Variants in QSER1 observed in about 807,000 individuals in gnomAD.
The protein encoded by QSER1 is glutamine and serine-rich protein 1.
In QSER1, 49 loss-of-function variants were observed where a neutral mutation model predicts 158.5. The observed-to-expected ratio is 0.31, with a 90% CI of 0.25 to 0.39. The LOEUF (loss-of-function observed/expected upper bound fraction) is 0.39. QSER1 is among the 10% of genes least tolerant of loss of function. The pLI is 1.00. For missense variants in QSER1, 1,754 were observed against 2,010.3 expected, an observed-to-expected ratio of 0.87 and a Z score of 2.44; for synonymous variants, 650 against 715.5, an observed-to-expected ratio of 0.91 and a Z score of 1.46.
At position 32,934,730 on chromosome 11, in the gene QSER1, G is replaced by A. The variant is rs764770861; in HGVS notation, c.3472G>A (p.Gly1158Ser). ...ATCAGAGAGTGAATTTACCTTAGGGGGTGACGACAGTGGTGTGTCAATGAA... is the reference window on the plus strand; with the variant it reads ...ATCAGAGAGTGAATTTACCTTAGGGAGTGACGACAGTGGTGTGTCAATGAA... ...ATSESEFTLG[G>S]DDSGVSMNPA... The change falls in exon 4 of 13, where the codon GGT (glycine) becomes AGT (serine). Residue 1158 changes from glycine to serine, a missense_variant. Physicochemically the swap from Gly to Ser is moderately conservative, Grantham distance 56 (BLOSUM62 0). Around this residue, in one of 2 missense-constraint regions of QSER1, gnomAD observed 1,707 missense variants for 1,919.6 expected, o/e 0.89. Transcript: ENST00000650167. The A allele has an allele frequency of 1.9e-6, 3 of 1,613,794 alleles. No individual in the cohort carries two copies. The highest frequency in any genetic ancestry group is 2.5e-6 in the Non-Finnish European group (3 of 1,179,886).
At chr11:32,938,208 A>C (rs1852180388) in intron 4 of QSER1, among the ~76,000 whole-genome samples, 2 of 152,194 alleles carry the variant, frequency 1.3e-5, no homozygotes, top group South Asian at 4.1e-4. Flanking sequence ...CAGTCAGTAT[A>C]TAGTAACCTC....
chr11:32,893,920 CAT>C lies in QSER1; in HGVS notation c.209+589_209+590del, dbSNP rs987733921. Among the ~76,000 whole-genome samples, 34 of 152,310 alleles carry C rather than the reference CAT, an allele frequency of 2.2e-4. No homozygotes were observed. The highest frequency in any genetic ancestry group is 7.5e-4 in the African/African-American group (31 of 41,570). ...CGAACGCGGCTCCAGGGCCGGGTGA[CAT>C]ATGTTTGCGCTGGTGGCCAAGATTT... On this transcript the variant is annotated intron_variant, in intron 1 of 12. Transcript: ENST00000650167. The surrounding 1 kb of genome is among the most constrained non-coding windows in gnomAD (Gnocchi z 4.7).
intron 1 of QSER1, among the ~76,000 whole-genome samples, chr11:32,914,179 T>G (rs547433308): frequency 6.6e-6 from 1 of 152,328 alleles, no homozygotes; most frequent in African/African-American, 2.4e-5. Flanking sequence ...TACTGTGTGC[T>G]AAATAAAGTA....
At chr11:32,916,669 G>A (rs1851834577) in intron 1 of QSER1, among the ~76,000 whole-genome samples, 1 of 152,126 alleles carries the variant, frequency 6.6e-6, no homozygotes, top group Non-Finnish European at 1.5e-5. Context: ...ACAATGGTAA[G>A]TATTGGTGTA....
intron 10 of QSER1, among the ~76,000 whole-genome samples, chr11:32,970,946 C>CTTTTTTTTTT (rs776051259): frequency 6.5e-5 from 5 of 76,898 alleles, no homozygotes; most frequent in Non-Finnish European, 8.9e-5. Context: ...AAGCAATTTG[C>CTTTTTTTTTT]TTTTTTTTTT....
chr11:32,893,895 C>T lies in QSER1; in HGVS notation c.209+561C>T, dbSNP rs574413237. Among the ~76,000 whole-genome samples the T allele has an allele frequency of 2.0e-5, 3 of 152,264 alleles. No individual in the cohort carries two copies. In the South Asian group the frequency reaches 6.2e-4, roughly 32 times the overall value. ...GCAGAAGAGGGGGCCCGGCAGGGCG[C>T]GAACGCGGCTCCAGGGCCGGGTGAC... On this transcript the variant is annotated intron_variant, in intron 1 of 12. Transcript: ENST00000650167. This position sits in a 1 kb window ranked among gnomAD's most constrained non-coding sequence, Gnocchi z 4.7.
At position 32,940,729 on chromosome 11, in the gene QSER1, ATAG is replaced by A. The variant is rs567576454; in HGVS notation, c.4177+5297_4177+5299del. On this transcript the variant is annotated intron_variant, in intron 4 of 12. Coordinates refer to ENST00000650167, the MANE Select transcript of QSER1 (RefSeq NM_001076786.3). ...TGTAAACTTTGTTGTAAAGTTGTCC[ATAG>A]TAATCCTTAAGTTTTAGTCTCTTCT... 1.5e-3 allele frequency among the ~76,000 whole-genome samples: 233 copies of A among 152,284 alleles called. 2 individuals are homozygous for A. The highest frequency in any genetic ancestry group is 2.4e-3 in the Non-Finnish European group (162 of 68,006).
At chr11:32,924,439 G>A (rs947741336) in intron 1 of QSER1, among the ~76,000 whole-genome samples, 4 of 151,434 alleles carry the variant, frequency 2.6e-5, no homozygotes, top group Non-Finnish European at 5.9e-5. Context: ...GCACGCCTAT[G>A]GTCCCAGCTA....
intron 1 of QSER1, among the ~76,000 whole-genome samples, chr11:32,916,372 C>A (rs1002012373): frequency 6.6e-6 from 1 of 152,142 alleles, no homozygotes; most frequent in Non-Finnish European, 1.5e-5. Context: ...GCAGTCTTTT[C>A]CTAGTTTCCC....
chr11:32,927,758 ATCT>A (rs1483300598), intron 2 of QSER1, among the ~76,000 whole-genome samples: 14 of 152,276 alleles, frequency 9.2e-5, no homozygotes, highest in Middle Eastern at 3.4e-3. Flanking sequence ...AAATTAAAAG[ATCT>A]TCTTTCATGC....
At chr11:32,908,740 A>G (rs1851724781) in intron 1 of QSER1, among the ~76,000 whole-genome samples, 1 of 152,186 alleles carries the variant, frequency 6.6e-6, no homozygotes, top group Non-Finnish European at 1.5e-5. Flanking sequence ...TGCATGTAAC[A>G]CTTTGTATGA....
chr11:32,927,968 C>G lies in QSER1; in HGVS notation c.329C>G (p.Ser110Cys), dbSNP rs962617269. 1 of 817,824 alleles carries G rather than the reference C, an allele frequency of 1.2e-6. No homozygotes were observed. Among genetic ancestry groups the G allele is most frequent in the Admixed American group, 2.7e-5 (1 of 37,338 alleles). 50.7% of individuals were successfully genotyped at this position (817,824 alleles called of 1,614,324 possible). A position where few individuals can be genotyped will look rare whatever the true frequency, so the allele number is the denominator to read the frequency against. The change falls in exon 3 of 13, where the codon TCT (serine) becomes TGT (cysteine). Residue 110 changes from serine (S) to cysteine (C), a missense_variant. Around this residue, in one of 2 missense-constraint regions of QSER1, gnomAD observed 1,707 missense variants for 1,919.6 expected, o/e 0.89. Coordinates refer to ENST00000650167, the MANE Select transcript of QSER1 (RefSeq NM_001076786.3). The stretch of plus-strand genomic sequence containing the variant: ...ATTTTATCTTCAAATTTAGGTCTTT[C>G]TGGAATATTTGATACTAGTGTGAAC... ...YAPTPQPTGL[S>C]GIFDTSVNSA...
In QSER1 at chr11:32,917,821, CAA is replaced by C. The variant is rs371007117; in HGVS notation, c.210-9314_210-9313del. On this transcript the variant is annotated intron_variant, in intron 1 of 12. Coordinates refer to ENST00000650167, the MANE Select transcript of QSER1 (RefSeq NM_001076786.3). Reference sequence around the variant, plus strand: ...TGGGTGACAATGTGAGACTCTGTCTCAAAAAAAAAAAAAAAAAAAAAAACCAG... The same window carrying C: ...TGGGTGACAATGTGAGACTCTGTCTCAAAAAAAAAAAAAAAAAAAAACCAG... Among the ~76,000 whole-genome samples the C allele has an allele frequency of 1.1e-4, 9 of 80,830 alleles. No homozygotes were observed. In the East Asian group the frequency reaches 1.8e-3, roughly 16 times the overall value. 53.0% of individuals were successfully genotyped at this position (80,830 alleles called of 152,430 possible).
intron 3 of QSER1, among the ~76,000 whole-genome samples, chr11:32,928,995 G>A (rs1389466429): frequency 6.6e-6 from 1 of 152,092 alleles, no homozygotes; most frequent in Admixed American, 6.6e-5. Flanking sequence ...GCTGAAACTT[G>A]AGAGTTGAAG....
chr11:32,929,780 G>A (rs1852021749), intron 3 of QSER1, among the ~76,000 whole-genome samples: 1 of 152,106 alleles, frequency 6.6e-6, no homozygotes, highest in African/African-American at 2.4e-5. Flanking sequence ...CATACTGTGG[G>A]GAATTTGCTA....
chr11:32,944,216 T>G (rs1852290348), intron 4 of QSER1, among the ~76,000 whole-genome samples: 2 of 150,830 alleles, frequency 1.3e-5, no homozygotes, highest in African/African-American at 4.9e-5. Context: ...TTTGAAGGGT[T>G]TTTTGTGTCT....
chr11:32,915,012 TG>T, intron 1 of QSER1, among the ~76,000 whole-genome samples: 1 of 152,172 alleles, frequency 6.6e-6, no homozygotes. Context: ...CTTGACCTGC[TG>T]GGCTCAAGCC....
intron 7 of QSER1, among the ~76,000 whole-genome samples, chr11:32,957,119 TTTTTC>T: frequency 6.7e-6 from 1 of 149,470 alleles, no homozygotes; most frequent in Non-Finnish European, 1.5e-5. Flanking sequence ...GTTTTTCTTT[TTTTTC>T]TTTTTTTTTC....
intron 1 of QSER1, among the ~76,000 whole-genome samples, chr11:32,897,611 TG>T (rs1460118524): frequency 6.6e-6 from 1 of 152,198 alleles, no homozygotes; most frequent in Non-Finnish European, 1.5e-5. Context: ...CCTCAGGGCT[TG>T]GGATTGATAA....
Sources: allele counts gnomAD v4.1 joint callset (sites outside exome capture counted in the v4.1 genomes callset), GRCh38; gene constraint gnomAD v4.1.1; regional missense constraint gnomAD v4.1.1; non-coding constraint Gnocchi (gnomAD v3.1); transcripts MANE v1.5; gene names NCBI Gene and HGNC (gene_info 2026-07-23, HGNC 2026-07-21).